The following TEAD1 variants were observed in gnomAD, a reference collection of about 807,000 sequenced individuals.
The protein encoded by TEAD1 is transcriptional enhancer factor TEF-1.
Under a neutral mutation model 54.9 loss-of-function variants are expected in TEAD1, and 9 were observed. The observed-to-expected ratio is 0.16, with a 90% CI of 0.10 to 0.29. TEAD1 has a LOEUF of 0.29. Ranked by LOEUF, TEAD1 falls within the 10% of genes least tolerant of loss-of-function variation. The pLI is 1.00. For missense variants in TEAD1, 387 were observed against 535.9 expected, an observed-to-expected ratio of 0.72 and a Z score of 2.74; for synonymous variants, 200 against 187.8, an observed-to-expected ratio of 1.07 and a Z score of -0.53.
At chr11:12,908,885 T>TTTTTTTTTTG (rs1554948607) in intron 10 of TEAD1, among the ~76,000 whole-genome samples, 5 of 145,422 alleles carry the variant, frequency 3.4e-5, no homozygotes, top group East Asian at 2.1e-4. Flanking sequence ...AATTATCTGT[T>TTTTTTTTTTG]TTTTTTTTTT....
chr11:12,873,580 T>C (rs759421575), intron 5 of TEAD1, among the ~76,000 whole-genome samples: 3 of 152,244 alleles, frequency 2.0e-5, no homozygotes, highest in Non-Finnish European at 4.4e-5. Context: ...TTGCTGCTTA[T>C]TAGGCAGCGA....
chr11:12,895,203 C>G (rs1324248865), intron 9 of TEAD1, among the ~76,000 whole-genome samples: 4 of 152,116 alleles, frequency 2.6e-5, no homozygotes, highest in Non-Finnish European at 5.9e-5. Flanking sequence ...TTATTAACCC[C>G]CCCCGGGTAT....
intron 3 of TEAD1, among the ~76,000 whole-genome samples, chr11:12,831,201 A>C (rs1024401152): frequency 6.6e-6 from 1 of 151,924 alleles, no homozygotes; most frequent in Non-Finnish European, 1.5e-5. Context: ...TCTTCCTTCT[A>C]ACTCTCCCCA....
intron 2 of TEAD1, among the ~76,000 whole-genome samples, chr11:12,723,775 A>G (rs1216517607): frequency 1.3e-5 from 2 of 152,256 alleles, no homozygotes; most frequent in African/African-American, 2.4e-5. Context: ...AAATCACAGT[A>G]TTGTAACACA....
chr11:12,719,977 TTTTTTTTTTTTTTTTTTGG>T lies in TEAD1; in HGVS notation c.-54-44201_-54-44183del, dbSNP rs1944156118. Among the ~76,000 whole-genome samples, 10 of 55,472 alleles carry T rather than the reference TTTTTTTTTTTTTTTTTTGG, an allele frequency of 1.8e-4. 2 individuals are homozygous for T. The highest frequency in any genetic ancestry group is 1.7e-4 in the African/African-American group (1 of 5,972). The allele number at this position is 55,472 out of a possible 152,430, so 36.4% of individuals were successfully genotyped here. On this transcript the variant is annotated intron_variant, in intron 2 of 12. Coordinates refer to ENST00000527636, the MANE Select transcript of TEAD1 (RefSeq NM_021961.6). The stretch of plus-strand genomic sequence containing the variant: ...TTTTTTTTTTTTTTTTTTTTTTTTT[TTTTTTTTTTTTTTTTTTGG>T]GGGGGGACCCAGCCATGCTGTGTCT...
chr11:12,831,487 T>C (rs910683527), intron 3 of TEAD1, among the ~76,000 whole-genome samples: 4 of 152,216 alleles, frequency 2.6e-5, no homozygotes, highest in Non-Finnish European at 4.4e-5. Context: ...CAAGAAATTA[T>C]TGTTTGAAAT....
intron 3 of TEAD1, among the ~76,000 whole-genome samples, chr11:12,768,509 A>G (rs1945252448): frequency 6.6e-6 from 1 of 152,244 alleles, no homozygotes; most frequent in African/African-American, 2.4e-5. Context: ...TCCTCACTGT[A>G]TAGACAGGAA....
intron 2 of TEAD1, among the ~76,000 whole-genome samples, chr11:12,684,196 C>T (rs10765987): frequency 0.39 from 58,757 of 151,982 alleles, 11,855 homozygotes; most frequent in South Asian, 0.55. Flanking sequence ...GACCATTAAT[C>T]GCTTTGAACC....
intron 3 of TEAD1, among the ~76,000 whole-genome samples, chr11:12,824,751 G>T (rs969665366): frequency 6.6e-6 from 1 of 152,154 alleles, no homozygotes. Context: ...GAACTCTGGG[G>T]TGAGTAGAAG....
chr11:12,812,441 A>G (rs983520015), intron 3 of TEAD1, among the ~76,000 whole-genome samples: 3 of 152,204 alleles, frequency 2.0e-5, no homozygotes, highest in Admixed American at 2.0e-4. Flanking sequence ...AACACTGAAC[A>G]TGTTTGTCCT....
At chr11:12,677,293 C>T (rs1017823820) in intron 2 of TEAD1, among the ~76,000 whole-genome samples, 1 of 151,998 alleles carries the variant, frequency 6.6e-6, no homozygotes, top group Admixed American at 6.5e-5. Context: ...AGAGGCTTTT[C>T]CTTGCCTTGT....
intron 3 of TEAD1, among the ~76,000 whole-genome samples, chr11:12,781,496 G>T (rs116219373): frequency 0.012 from 1,802 of 152,120 alleles, 40 homozygotes; most frequent in African/African-American, 0.04. Context: ...TCCAGTTAAA[G>T]AATGGACAGA....
At chr11:12,730,259 C>G (rs985825001) in intron 2 of TEAD1, among the ~76,000 whole-genome samples, 1 of 152,054 alleles carries the variant, frequency 6.6e-6, no homozygotes, top group Non-Finnish European at 1.5e-5. Flanking sequence ...CAGGCTTTGT[C>G]TTGAATTGTC....
At chr11:12,936,910 C>CTT (rs764678665) in intron 12 of TEAD1, among the ~76,000 whole-genome samples, 199 bp from the exon 13 acceptor site, 3 of 152,148 alleles carry the variant, frequency 2.0e-5, no homozygotes, top group Non-Finnish European at 2.9e-5. Context: ...GTATTTCTTA[C>CTT]TTATGATAAC....
intron 3 of TEAD1, among the ~76,000 whole-genome samples, chr11:12,816,655 A>G (rs1300962803): frequency 1.3e-5 from 2 of 152,196 alleles, no homozygotes; most frequent in South Asian, 2.1e-4. Context: ...TTTAGTTGCT[A>G]TACACAAGCC....
intron 2 of TEAD1, among the ~76,000 whole-genome samples, chr11:12,724,463 G>C (rs1944275097): frequency 6.6e-6 from 1 of 152,224 alleles, no homozygotes; most frequent in African/African-American, 2.4e-5. Context: ...TGTAGTGCAA[G>C]AGCTTTTATC....
At position 12,881,031 on chromosome 11, in the gene TEAD1, G is replaced by C. The variant is rs780008662; in HGVS notation, c.492G>C (p.Gly164=). The C allele has an allele frequency of 1.2e-6, 2 of 1,614,196 alleles. No individual in the cohort carries two copies. Among genetic ancestry groups the C allele is most frequent in the Non-Finnish European group, 1.7e-6 (2 of 1,180,042 alleles). ...TCTGGCCGGGAATGATTCAAACAGG[G>C]CAGCCAGGATCCTCACAAGAGTAAG... The change falls in exon 7 of 13, where the codon GGG becomes GGC. Residue 164 remains glycine, a synonymous_variant. Coordinates refer to ENST00000527636, the MANE Select transcript of TEAD1 (RefSeq NM_021961.6).
At chr11:12,756,954 C>G (rs77112473) in intron 2 of TEAD1, among the ~76,000 whole-genome samples, 3 of 152,200 alleles carry the variant, frequency 2.0e-5, no homozygotes, top group Non-Finnish European at 2.9e-5. Flanking sequence ...TTTTTCCCCC[C>G]AGTCTTTTTG....
chr11:12,682,507 G>C (rs1564905457), intron 2 of TEAD1, among the ~76,000 whole-genome samples: 1 of 152,196 alleles, frequency 6.6e-6, no homozygotes, highest in Non-Finnish European at 1.5e-5. Context: ...TCGTTGGGTG[G>C]TATGCCTGGT....
Sources: allele counts gnomAD v4.1 joint callset (sites outside exome capture counted in the v4.1 genomes callset), GRCh38; gene constraint gnomAD v4.1.1; transcripts MANE v1.5; gene names NCBI Gene and HGNC (gene_info 2026-07-23, HGNC 2026-07-21).